The following TSPAN2 variants were observed in gnomAD, a reference collection of about 807,000 sequenced individuals.
TSPAN2 encodes the protein tetraspanin-2.
In TSPAN2, 24 loss-of-function variants were observed where a neutral mutation model predicts 33.3. The ratio of observed to expected loss-of-function variants is 0.72; its 90% CI spans 0.52 to 1.01. The LOEUF (loss-of-function observed/expected upper bound fraction) is 1.01, where lower values mean the gene tolerates loss of function less well. Among genes scored for constraint, TSPAN2 ranks in the 50% least tolerant of loss-of-function variants. The pLI is 0.00. For missense variants in TSPAN2, 278 were observed against 281.3 expected, an observed-to-expected ratio of 0.99 and a Z score of 0.08; for synonymous variants, 114 against 104.5, an observed-to-expected ratio of 1.09 and a Z score of -0.56.
In TSPAN2 at chr1:115,064,007, T is replaced by G. The variant is rs2101031316; in HGVS notation, c.173-1775A>C. On this transcript the variant is annotated intron_variant, in intron 2 of 7. Transcript: ENST00000369516. ...ATCTCGGCATCACTCAATGTACCTT[T>G]GTAACAAACCTGCCCATGTACCCCC... 2.0e-5 allele frequency among the ~76,000 whole-genome samples: 3 copies of G among 152,220 alleles called. No homozygotes were observed. In the East Asian group the frequency reaches 5.8e-4, roughly 29 times the overall value.
At chr1:115,068,635 G>A (rs1421282741) in intron 2 of TSPAN2, among the ~76,000 whole-genome samples, 3 of 152,102 alleles carry the variant, frequency 2.0e-5, no homozygotes, top group African/African-American at 7.2e-5. Flanking sequence ...CAAACACTGG[G>A]CCTGTTTGTT....
chr1:115,060,466 C>A lies in TSPAN2; in HGVS notation c.343G>T (p.Val115Leu). The change falls in exon 4 of 8, where the codon GTA becomes TTA. Residue 115 changes from valine to leucine, a missense_variant and splice_region_variant. Physicochemically the swap from Val to Leu is conservative, Grantham distance 32. Transcript: ENST00000369516. ...ACATTATAAGTAATTTTACTTACTACCCCCTTGCCTATAAAAGCAAATACT... is the reference window on the plus strand; with the variant it reads ...ACATTATAAGTAATTTTACTTACTAACCCCTTGCCTATAAAAGCAAATACT... ...TGVFAFIGKG[V>L]AIRHVQTMYE... The A allele has an allele frequency of 6.2e-7, 1 of 1,610,692 alleles. No individual in the cohort carries two copies.
In TSPAN2 at chr1:115,057,558, T is replaced by C. The variant is rs377531409; in HGVS notation, c.495A>G (p.Pro165=). The stretch of plus-strand genomic sequence containing the variant: ...TTACCTTGTGTCCTAGAAGCTCCTT[T>C]GGGCATGTAGGTTGGACCTGTTCGG... ...ESSEQVQPTC[P]KELLGHKNCI... Residue 165 remains proline, a synonymous_variant, in exon 6 of 8, where the codon CCA becomes CCG. Coordinates refer to ENST00000369516, the MANE Select transcript of TSPAN2 (RefSeq NM_005725.6). 2.5e-6 allele frequency: 4 copies of C among 1,614,058 alleles called. No individual in the cohort carries two copies. The highest frequency in any genetic ancestry group is 3.4e-6 in the Non-Finnish European group (4 of 1,180,002).
intron 1 of TSPAN2, among the ~76,000 whole-genome samples, chr1:115,086,993 C>T (rs915597941): frequency 6.6e-6 from 1 of 152,096 alleles, no homozygotes; most frequent in Admixed American, 6.5e-5. Flanking sequence ...CATCTCAGCT[C>T]ACTGCAACCT....
At chr1:115,088,788 T>A (rs1648939260) in intron 1 of TSPAN2, among the ~76,000 whole-genome samples, 1 of 141,464 alleles carries the variant, frequency 7.1e-6, no homozygotes, top group South Asian at 2.3e-4. Flanking sequence ...GGGGTACTCT[T>A]ACCCTGATGC....
intron 4 of TSPAN2, among the ~76,000 whole-genome samples, chr1:115,059,588 A>T (rs866715796): frequency 2.6e-5 from 4 of 152,230 alleles, no homozygotes; most frequent in Non-Finnish European, 4.4e-5. Context: ...TTTAAAAGGT[A>T]TTCATCACCA....
At chr1:115,073,133 AT>A in intron 1 of TSPAN2, 126 bp from the exon 2 acceptor site, 1 of 753,942 alleles carries the variant, frequency 1.3e-6, no homozygotes, top group South Asian at 1.5e-5. Context: ...CCACCTTCCC[AT>A]TTTATAGGGG....
chr1:115,072,770 G>A, intron 2 of TSPAN2, 135 bp downstream of exon 2: 1 of 718,562 alleles, frequency 1.4e-6, no homozygotes, highest in East Asian at 2.7e-5. Flanking sequence ...GGGGCTCAGA[G>A]GTGGCTCCTT....
rs1265354211 is a variant in TSPAN2, at chr1:115,072,930, G to C, written c.147C>G (p.Asp49Glu). The change falls in exon 2 of 8, where the codon GAC becomes GAG. Residue 49 changes from aspartate (D) to glutamate (E), a missense_variant. Coordinates refer to ENST00000369516, the MANE Select transcript of TSPAN2 (RefSeq NM_005725.6). The part of the protein sequence containing the change: ...GGAIKELSSE[D>E]KSPEYFYVGL... ...CCACATAGAAATACTCTGGGGACTT[G>C]TCCTCTGATGATAACTCCTTTATGG... 1 of 1,613,970 alleles carries C rather than the reference G, an allele frequency of 6.2e-7. No individual in the cohort carries two copies. Among genetic ancestry groups the C allele is most frequent in the Admixed American group, 1.7e-5 (1 of 60,010 alleles).
chr1:115,062,028 G>A (rs576641419), intron 3 of TSPAN2, 107 bp downstream of exon 3: 5 of 905,986 alleles, frequency 5.5e-6, no homozygotes, highest in Admixed American at 2.4e-5. Context: ...CAAGGGCTCA[G>A]AGAGTCCACG....
Position 115,072,935 on chromosome 1 carries a change from CTGA to C in TSPAN2, c.139_141del (p.Ser47del), listed in dbSNP as rs756789931. The C allele has an allele frequency of 6.2e-7, 1 of 1,614,210 alleles. No homozygotes were observed. The highest frequency in any genetic ancestry group is 1.7e-5 in the Admixed American group (1 of 60,026). ...TAGAAATACTCTGGGGACTTGTCCTCTGATGATAACTCCTTTATGGCACCTCCG... is the reference window on the plus strand; with the variant it reads ...TAGAAATACTCTGGGGACTTGTCCTCTGATAACTCCTTTATGGCACCTCCG... On this transcript the variant is annotated inframe_deletion, in exon 2 of 8. Coordinates refer to ENST00000369516, the MANE Select transcript of TSPAN2 (RefSeq NM_005725.6).
At chr1:115,073,203 G>A (rs1648254974) in intron 1 of TSPAN2, among the ~76,000 whole-genome samples, 196 bp from the exon 2 acceptor site, 1 of 152,202 alleles carries the variant, frequency 6.6e-6, no homozygotes, top group Admixed American at 6.5e-5. Flanking sequence ...GGCCCCTGAT[G>A]TGACATTGGA....
chr1:115,088,803 A>G (rs1384059128), intron 1 of TSPAN2, among the ~76,000 whole-genome samples: 1 of 151,802 alleles, frequency 6.6e-6, no homozygotes, highest in Non-Finnish European at 1.5e-5. Flanking sequence ...TGATGCCCAG[A>G]AAAAGGACGA....
At chr1:115,057,398 C>A in intron 6 of TSPAN2, 139 bp downstream of exon 6, 1 of 811,740 alleles carries the variant, frequency 1.2e-6, no homozygotes, top group Non-Finnish European at 2.1e-6. Context: ...CAACGCTATT[C>A]ATTTTCCATC....
At chr1:115,079,137 CCA>C (rs202132434) in intron 1 of TSPAN2, among the ~76,000 whole-genome samples, 32,689 of 146,666 alleles carry the variant, frequency 0.22, 3,725 homozygotes, top group Non-Finnish European at 0.26. Context: ...AATTATAGCG[CCA>C]CACACACACA....
intron 1 of TSPAN2, among the ~76,000 whole-genome samples, chr1:115,089,055 G>T (rs1648954242): frequency 6.6e-6 from 1 of 152,148 alleles, no homozygotes; most frequent in Non-Finnish European, 1.5e-5. Flanking sequence ...GGAGAGGCTG[G>T]GTCCCCGCAC....
At chr1:115,063,955 T>C (rs886572416) in intron 2 of TSPAN2, among the ~76,000 whole-genome samples, 16 of 152,062 alleles carry the variant, frequency 1.1e-4, no homozygotes, top group African/African-American at 3.6e-4. Context: ...ATTCATTACC[T>C]CAGTGACAGG....
intron 2 of TSPAN2, among the ~76,000 whole-genome samples, chr1:115,071,691 T>A (rs952874306): frequency 2.6e-5 from 4 of 152,240 alleles, no homozygotes; most frequent in Admixed American, 2.6e-4. Context: ...AAGAGCCACA[T>A]CTAAGATTTC....
chr1:115,056,022 T>C (rs774265874), intron 6 of TSPAN2, among the ~76,000 whole-genome samples: 11 of 152,184 alleles, frequency 7.2e-5, no homozygotes, highest in Non-Finnish European at 1.6e-4. Flanking sequence ...TAGAAGGGCA[T>C]AAACATACTT....
Sources: gnomAD v4.1 joint callset for allele counts (sites outside exome capture counted in the v4.1 genomes callset) on GRCh38, gnomAD v4.1.1 for gene constraint, MANE v1.5 for transcripts, NCBI Gene and HGNC (gene_info 2026-07-23, HGNC 2026-07-21) for gene names.